The following LTBP1 variants were observed in gnomAD, a reference collection of about 807,000 sequenced individuals.
LTBP1 encodes latent transforming growth factor beta binding protein 1, also known as latent-transforming growth factor beta-binding protein 1.
Under a neutral mutation model 207.6 loss-of-function variants are expected in LTBP1, and 129 were observed. That is an observed-to-expected ratio of 0.62 (90% CI 0.54 to 0.72). The LOEUF (loss-of-function observed/expected upper bound fraction) is 0.72. Ranked by LOEUF, LTBP1 falls within the 30% of genes least tolerant of loss-of-function variation. The pLI is 0.00. For synonymous variants in LTBP1, 963 were observed against 833.7 expected, an observed-to-expected ratio of 1.16 and a Z score of -2.67; for missense variants, 2,281 against 2,217.2, an observed-to-expected ratio of 1.03 and a Z score of -0.58.
At chr2:33,393,053 AT>A (rs1411357473) in intron 32 of LTBP1, among the ~76,000 whole-genome samples, 1 of 151,554 alleles carries the variant, frequency 6.6e-6, no homozygotes, top group Admixed American at 6.6e-5. Flanking sequence ...TATGGTACAA[AT>A]TTTTTTAACT....
chr2:33,197,827 C>G (rs541968204), intron 7 of LTBP1, among the ~76,000 whole-genome samples: 1 of 152,134 alleles, frequency 6.6e-6, no homozygotes, highest in South Asian at 2.1e-4. Context: ...AGCCTGTGCT[C>G]TTTGTTGAAC....
intron 5 of LTBP1, among the ~76,000 whole-genome samples, chr2:33,147,707 G>A (rs1447236595): frequency 6.6e-6 from 1 of 152,204 alleles, no homozygotes; most frequent in Non-Finnish European, 1.5e-5. Context: ...GATGGCTTAA[G>A]CCTGTGGAAA....
At chr2:33,037,591 G>A (rs2075986260) in intron 3 of LTBP1, among the ~76,000 whole-genome samples, 1 of 152,134 alleles carries the variant, frequency 6.6e-6, no homozygotes, top group South Asian at 2.1e-4. Flanking sequence ...ATCTACAGTT[G>A]TTACTGGACT....
At chr2:33,253,686 G>A (rs929089986) in intron 11 of LTBP1, among the ~76,000 whole-genome samples, 1 of 152,100 alleles carries the variant, frequency 6.6e-6, no homozygotes, top group South Asian at 2.1e-4. Flanking sequence ...TCTTAAAGCT[G>A]TAACTTACAC....
chr2:33,124,887 A>G (rs778159937), intron 4 of LTBP1, among the ~76,000 whole-genome samples: 42 of 152,350 alleles, frequency 2.8e-4, no homozygotes, highest in African/African-American at 9.4e-4. Flanking sequence ...CTGGATTTCA[A>G]CATCCTAAAG....
chr2:33,356,449 G>T (rs2149951980), intron 26 of LTBP1, among the ~76,000 whole-genome samples: 1 of 152,330 alleles, frequency 6.6e-6, no homozygotes, highest in East Asian at 1.9e-4. Context: ...GGAGGCCGAG[G>T]TGGGTGGATC....
At position 33,134,319 on chromosome 2, in the gene LTBP1, C is replaced by A; in HGVS notation, c.1034-474C>A. The A allele has an allele frequency of 2.4e-6, 1 of 416,936 alleles. No individual in the cohort carries two copies. The allele number at this position is 416,936 out of a possible 1,614,324, so 25.8% of individuals were successfully genotyped here. On this transcript the variant is annotated intron_variant, in intron 4 of 33. Transcript: ENST00000404816. This position sits in a 1 kb window ranked among gnomAD's most constrained non-coding sequence, Gnocchi z 4.4. The stretch of plus-strand genomic sequence containing the variant: ...GCCTAAAACATTTCCAGGGGTCGGG[C>A]TGCAAATAGTGACTTAATAAGTGGA...
At chr2:32,963,297 T>C (rs1351115285) in intron 2 of LTBP1, among the ~76,000 whole-genome samples, 5 of 152,110 alleles carry the variant, frequency 3.3e-5, no homozygotes, top group African/African-American at 1.2e-4. Context: ...CTTGCACTCC[T>C]GGGCTCAAGT....
intron 3 of LTBP1, chr2:33,056,318 T>G (rs1558573626): frequency 9.8e-7 from 1 of 1,022,226 alleles, no homozygotes; most frequent in Non-Finnish European, 1.3e-6. Flanking sequence ...CAGTTTTGTT[T>G]TGTTTTGTTT....
intron 31 of LTBP1, among the ~76,000 whole-genome samples, chr2:33,381,132 A>C (rs1364464424): frequency 6.6e-6 from 1 of 152,226 alleles, no homozygotes; most frequent in East Asian, 1.9e-4. Context: ...TAGAAGCCTC[A>C]TTCCTGATTT....
intron 7 of LTBP1, among the ~76,000 whole-genome samples, chr2:33,192,915 C>G (rs1333910379): frequency 6.6e-6 from 1 of 152,140 alleles, no homozygotes; most frequent in Non-Finnish European, 1.5e-5. Context: ...CTGGTGATAA[C>G]TAACCCACTC....
intron 2 of LTBP1, among the ~76,000 whole-genome samples, chr2:33,017,957 G>C (rs1688621229): frequency 6.6e-6 from 1 of 152,118 alleles, no homozygotes; most frequent in Non-Finnish European, 1.5e-5. Context: ...GTTCAATCCA[G>C]CCCCTCCTCA....
chr2:33,243,869 C>T, intron 10 of LTBP1, 85 bp downstream of exon 10: 1 of 1,461,894 alleles, frequency 6.8e-7, no homozygotes, highest in South Asian at 1.2e-5. Context: ...CAGTGGCCAA[C>T]TGAATGCTTG....
At chr2:32,949,553 A>G (rs1676793271) in intron 2 of LTBP1, among the ~76,000 whole-genome samples, 1 of 152,362 alleles carries the variant, frequency 6.6e-6, no homozygotes, top group Non-Finnish European at 1.5e-5. Context: ...AATGATGCAT[A>G]CAGATTTCAG....
rs564750604 is a variant in LTBP1, at chr2:33,061,220, A to G, written c.863+40014A>G. 4.6e-5 allele frequency among the ~76,000 whole-genome samples: 7 copies of G among 152,180 alleles called. No homozygotes were observed. The South Asian group carries it at 1.0e-3, about 23-fold the overall frequency. On this transcript the variant is annotated intron_variant, in intron 3 of 33. Coordinates refer to ENST00000404816, the MANE Select transcript of LTBP1 (RefSeq NM_206943.4). ...ACTGGTCCATCCATTAATACACCCTATTTTCTTAATGCCTTTCAGACTAAG... is the reference window on the plus strand; with the variant it reads ...ACTGGTCCATCCATTAATACACCCTGTTTTCTTAATGCCTTTCAGACTAAG...
chr2:33,221,999 T>A, intron 8 of LTBP1, 81 bp from the exon 9 acceptor site: 1 of 957,704 alleles, frequency 1.0e-6, no homozygotes, highest in Non-Finnish European at 1.7e-6. Context: ...TGCTGATGCC[T>A]TAAATGGCTT....
At chr2:33,256,724 CTATATATATATATATATATATATATA>C (rs10529995) in intron 11 of LTBP1, among the ~76,000 whole-genome samples, 68 of 68,830 alleles carry the variant, frequency 9.9e-4, no homozygotes, top group African/African-American at 2.7e-3. Flanking sequence ...GGAGGGCTAA[CTATATATATATATATATATATATATA>C]TATATATATA....
At chr2:33,180,398 A>T (rs5006126) in intron 5 of LTBP1, among the ~76,000 whole-genome samples, 66,457 of 150,992 alleles carry the variant, frequency 0.44, 15,258 homozygotes, top group Non-Finnish European at 0.5. Flanking sequence ...CCCCTTGGTG[A>T]TGCATACCGA....
At chr2:33,056,703 A>T (rs1440893304) in intron 3 of LTBP1, among the ~76,000 whole-genome samples, 5 of 151,938 alleles carry the variant, frequency 3.3e-5, no homozygotes, top group Admixed American at 2.6e-4. Flanking sequence ...AGGAGTGAAG[A>T]TGCAGACCTT....
Sources: gnomAD v4.1 joint callset for allele counts (sites outside exome capture counted in the v4.1 genomes callset) on GRCh38, gnomAD v4.1.1 for gene constraint, Gnocchi (gnomAD v3.1) non-coding constraint, MANE v1.5 for transcripts, NCBI Gene and HGNC (gene_info 2026-07-23, HGNC 2026-07-21) for gene names.